Variants in TM9SF4 observed in about 807,000 individuals in gnomAD.
TM9SF4 encodes dinucleotide oxidase disulfide thiol exchanger 3 superfamily member 4.
Under a neutral mutation model 90.4 loss-of-function variants are expected in TM9SF4, and 26 were observed. The ratio of observed to expected loss-of-function variants is 0.29; its 90% confidence interval spans 0.21 to 0.40. TM9SF4 has a LOEUF of 0.40. TM9SF4 is among the 10% of genes least tolerant of loss of function. The pLI, the probability that TM9SF4 is intolerant of heterozygous loss-of-function variation, is 1.00. For missense variants in TM9SF4, 549 were observed against 834.8 expected, an observed-to-expected ratio of 0.66 and a Z score of 4.22; for synonymous variants, 293 against 315.4, an observed-to-expected ratio of 0.93 and a Z score of 0.75.
At chr20:32,142,940 T>C (rs370383554) in intron 5 of TM9SF4, 42 bp from the exon 6 acceptor site, 34 of 1,607,426 alleles carry the variant, frequency 2.1e-5, no homozygotes, top group Non-Finnish European at 2.9e-5. Context: ...AGAGTATCCC[T>C]AAGTGATGTT....
At chr20:32,163,642 C>T (rs529286005) in intron 17 of TM9SF4, among the ~76,000 whole-genome samples, 45 of 140,150 alleles carry the variant, frequency 3.2e-4, no homozygotes, top group Admixed American at 6.0e-4. Context: ...GATGGAGACT[C>T]GCTCTGTTGC....
intron 1 of TM9SF4, among the ~76,000 whole-genome samples, chr20:32,119,426 A>G (rs2046273447): frequency 1.3e-5 from 2 of 152,182 alleles, no homozygotes; most frequent in Non-Finnish European, 2.9e-5. Flanking sequence ...GCGTTTTCCT[A>G]TTGACAAATG....
At chr20:32,139,430 C>T (rs60078843) in intron 3 of TM9SF4, among the ~76,000 whole-genome samples, 2,964 of 152,236 alleles carry the variant, frequency 0.019, 105 homozygotes, top group African/African-American at 0.068. Flanking sequence ...TTACAGTCAG[C>T]ACTGCTTCCC....
chr20:32,141,822 G>A lies in TM9SF4; in HGVS notation c.455G>A (p.Ser152Asn), dbSNP rs1381305471. Residue 152 changes from serine (S) to asparagine (N), a missense_variant, in exon 5 of 18, where the codon AGC becomes AAC. By Grantham distance (46) the Ser-to-Asn change is conservative. Transcript: ENST00000398022. ...CTGGAGCTCTACTCCAACCGAGACA[G>A]CGATGACAAGAAGAAGGAAAAAGAT... is the stretch of plus-strand genomic sequence containing the variant. The part of the protein sequence containing the change: ...TRLELYSNRD[S>N]DDKKKEKDVQ... 1.9e-6 allele frequency: 3 copies of A among 1,614,036 alleles called. No homozygotes were observed. The highest frequency in any genetic ancestry group is 4.5e-5 in the East Asian group (2 of 44,896).
At chr20:32,158,586 G>A in intron 15 of TM9SF4, 72 bp downstream of exon 15, 2 of 1,499,304 alleles carry the variant, frequency 1.3e-6, no homozygotes, top group Non-Finnish European at 1.9e-6. Flanking sequence ...CGGGTGCTCT[G>A]CTGCCTACTG....
At chr20:32,116,771 T>C (rs541699188) in intron 1 of TM9SF4, 4 of 152,152 alleles carry the variant, frequency 2.6e-5, no homozygotes, top group Admixed American at 6.5e-5. Flanking sequence ...TGGTAAGCTT[T>C]AACTGACTGG....
chr20:32,112,828 T>C (rs767726305), intron 1 of TM9SF4, among the ~76,000 whole-genome samples: 4 of 152,158 alleles, frequency 2.6e-5, no homozygotes, highest in Non-Finnish European at 5.9e-5. Flanking sequence ...ACTGAGTATG[T>C]AACATATGCA....
intron 2 of TM9SF4, among the ~76,000 whole-genome samples, 168 bp from the exon 3 acceptor site, chr20:32,135,906 G>A (rs551540135): frequency 6.6e-5 from 10 of 152,286 alleles, no homozygotes; most frequent in Non-Finnish European, 1.0e-4. Context: ...AGTCTAAAAT[G>A]AATGAAATGT....
intron 1 of TM9SF4, among the ~76,000 whole-genome samples, chr20:32,132,406 GAA>G (rs1031233334): frequency 1.3e-5 from 2 of 149,862 alleles, no homozygotes; most frequent in Non-Finnish European, 3.0e-5. Context: ...AAAAAAAAAA[GAA>G]GAGAGATGTG....
rs547555660 is a variant in TM9SF4, at chr20:32,143,856, A to G, written c.652+751A>G. On this transcript the variant is annotated intron_variant, in intron 6 of 17. Transcript: ENST00000398022. ...CTGGGAGCTTCCCGAGCGCAGTTCT[A>G]CGTTTGCATGTGTGACGCTTTTGAG... Among the ~76,000 whole-genome samples the G allele has an allele frequency of 4.6e-5, 7 of 152,044 alleles. No individual in the cohort carries two copies. In the East Asian group the frequency reaches 5.8e-4, roughly 13 times the overall value.
chr20:32,110,181 T>C, intron 1 of TM9SF4: 1 of 560,760 alleles, frequency 1.8e-6, no homozygotes, highest in Non-Finnish European at 2.4e-6. Flanking sequence ...TCCGCAGATG[T>C]GACCTCTCCT....
chr20:32,110,509 C>G lies in TM9SF4; in HGVS notation c.15+754C>G, dbSNP rs573886051. Among the ~76,000 whole-genome samples, 4 of 152,306 alleles carry G rather than the reference C, an allele frequency of 2.6e-5. No individual in the cohort carries two copies. The South Asian group carries it at 6.2e-4, about 24-fold the overall frequency. On this transcript the variant is annotated intron_variant, in intron 1 of 17. Transcript: ENST00000398022. ...CTGAGCAGCCCCACTCCCAGAGATTCTAATTCCATAGGGCTAGGTGATGCC... is the reference window on the plus strand; with the variant it reads ...CTGAGCAGCCCCACTCCCAGAGATTGTAATTCCATAGGGCTAGGTGATGCC...
intron 17 of TM9SF4, among the ~76,000 whole-genome samples, chr20:32,162,463 ATT>A (rs1162488621): frequency 1.3e-5 from 2 of 152,226 alleles, no homozygotes; most frequent in Non-Finnish European, 2.9e-5. Context: ...ATAAATTTTT[ATT>A]GGAACACAGC....
intron 17 of TM9SF4, among the ~76,000 whole-genome samples, chr20:32,163,417 G>A (rs1034178629): frequency 6.6e-6 from 1 of 151,134 alleles, no homozygotes; most frequent in Non-Finnish European, 1.5e-5. Flanking sequence ...AAGATGGCCA[G>A]TGGCAGCCCT....
At chr20:32,147,004 C>T (rs1360118282) in intron 9 of TM9SF4, 149 bp downstream of exon 9, 17 of 689,404 alleles carry the variant, frequency 2.5e-5, no homozygotes, top group African/African-American at 9.6e-5. Context: ...TTTTTTGAGA[C>T]GGAGTCTCGC....
Position 32,136,157 on chromosome 20 carries a change from CAAGGCAGAGAATCTGGGT to C in TM9SF4, c.217_229+5del. On this transcript the variant is annotated splice_donor_variant and coding_sequence_variant, in exon 3 of 18. Coordinates refer to ENST00000398022, the MANE Select transcript of TM9SF4 (RefSeq NM_014742.4). LOFTEE classifies it high-confidence loss of function. ...TCTGCCAGCCCAGCAAGATAACCTA[CAAGGCAGAGAATCTGGGT>C]AAGTTCTTCTCCCACACTGCTGTCA... 1 of 1,614,158 alleles carries C rather than the reference CAAGGCAGAGAATCTGGGT, an allele frequency of 6.2e-7. No homozygotes were observed. Among genetic ancestry groups the C allele is most frequent in the Non-Finnish European group, 8.5e-7 (1 of 1,180,008 alleles).
intron 1 of TM9SF4, among the ~76,000 whole-genome samples, chr20:32,131,086 T>G (rs1396581045): frequency 6.6e-6 from 1 of 152,182 alleles, no homozygotes; most frequent in Admixed American, 6.5e-5. Flanking sequence ...CATGAGGCAA[T>G]TTACCTACTA....
At chr20:32,150,138 A>G (rs1243803093) in intron 10 of TM9SF4, among the ~76,000 whole-genome samples, 3 of 152,228 alleles carry the variant, frequency 2.0e-5, no homozygotes, top group Non-Finnish European at 4.4e-5. Flanking sequence ...ACTAATATAT[A>G]GTAATTTTAG....
At chr20:32,163,268 A>AATAT (rs1186662308) in intron 17 of TM9SF4, among the ~76,000 whole-genome samples, 1,067 of 74,022 alleles carry the variant, frequency 0.014, 27 homozygotes, top group Middle Eastern at 0.023. Flanking sequence ...AAAAAAAAAA[A>AATAT]ATATATATAT....
Sources: allele counts gnomAD v4.1 joint callset (sites outside exome capture counted in the v4.1 genomes callset), GRCh38; gene constraint gnomAD v4.1.1; transcripts MANE v1.5; gene names NCBI Gene and HGNC (gene_info 2026-07-23, HGNC 2026-07-21).